Variants in LRRC8C observed in about 807,000 individuals in gnomAD.
LRRC8C encodes volume-regulated anion channel subunit LRRC8C.
LRRC8C carries 20 observed loss-of-function variants against 55.3 expected under a neutral mutation model. The ratio of observed to expected loss-of-function variants is 0.36; its 90% CI spans 0.25 to 0.53. The LOEUF is 0.53. Ranked by LOEUF, LRRC8C falls within the 20% of genes least tolerant of loss-of-function variation. The pLI, the probability that LRRC8C is intolerant of heterozygous loss-of-function variation, is 0.92. For missense variants in LRRC8C, 659 were observed against 951.4 expected (o/e 0.69, Z 4.04); for synonymous variants, 376 against 360.7 (o/e 1.04, Z -0.48).
chr1:89,676,614 G>T (rs987495815), intron 1 of LRRC8C, among the ~76,000 whole-genome samples: 1 of 152,118 alleles, frequency 6.6e-6, no homozygotes, highest in Non-Finnish European at 1.5e-5. Flanking sequence ...TGGATAAGTC[G>T]ATTTTAGTGT....
rs377667816 is a variant in LRRC8C, at chr1:89,639,710, C to T, written c.-5+6388C>T. Among the ~76,000 whole-genome samples, 28 of 152,340 alleles carry T rather than the reference C, an allele frequency of 1.8e-4. No homozygotes were observed. In the East Asian group the frequency reaches 4.6e-3, roughly 25 times the overall value. On this transcript the variant is annotated intron_variant, in intron 1 of 2. Coordinates refer to ENST00000370454, the MANE Select transcript of LRRC8C (RefSeq NM_032270.5). ...TGTTCACTGCCATATATCTACAGCACTTGCAAAGTGTCTGGGGCATAGCTG... is the reference window on the plus strand; with the variant it reads ...TGTTCACTGCCATATATCTACAGCATTTGCAAAGTGTCTGGGGCATAGCTG...
At chr1:89,639,797 A>G (rs2101178438) in intron 1 of LRRC8C, among the ~76,000 whole-genome samples, 1 of 152,310 alleles carries the variant, frequency 6.6e-6, no homozygotes, top group East Asian at 1.9e-4. Context: ...TTTCTTACCT[A>G]TTTGGAGTAT....
intron 1 of LRRC8C, among the ~76,000 whole-genome samples, chr1:89,649,346 A>C (rs1188313223): frequency 6.6e-6 from 1 of 152,192 alleles, no homozygotes; most frequent in Non-Finnish European, 1.5e-5. Context: ...AGCTCTTTAC[A>C]TTTTGGATTT....
chr1:89,617,312 T>C, the LRRC8C span, among the ~76,000 whole-genome samples: 1 of 152,236 alleles, frequency 6.6e-6, no homozygotes, highest in Non-Finnish European at 1.5e-5. Flanking sequence ...AGCAGGACCC[T>C]GTGAAATTAA....
chr1:89,706,430 T>C, intron 2 of LRRC8C: 2 of 439,440 alleles, frequency 4.6e-6, no homozygotes, highest in Non-Finnish European at 9.1e-6. Context: ...TTCCATACTT[T>C]TCTGGCAACT....
chr1:89,667,823 G>A (rs116670159), intron 1 of LRRC8C, among the ~76,000 whole-genome samples: 1,592 of 152,212 alleles, frequency 0.01, 44 homozygotes, highest in African/African-American at 0.037. Flanking sequence ...TTAGGTACCC[G>A]TGAGAATGTT....
At chr1:89,672,167 T>C (rs1238660341) in intron 1 of LRRC8C, among the ~76,000 whole-genome samples, 1 of 152,230 alleles carries the variant, frequency 6.6e-6, no homozygotes, top group Non-Finnish European at 1.5e-5. Flanking sequence ...TGAAATGTTC[T>C]CCTGGCCTTG....
chr1:89,716,652 T>A lies in LRRC8C; in HGVS notation c.*1670T>A, dbSNP rs1250728069. Reference sequence around the variant, plus strand: ...ACCAGAACCACTAATTATGAGAACTTTGTTTTATGTACCAAATTCACATTG... The same window carrying A: ...ACCAGAACCACTAATTATGAGAACTATGTTTTATGTACCAAATTCACATTG... On this transcript the variant is annotated 3_prime_UTR_variant, in exon 3 of 3. Coordinates refer to ENST00000370454, the MANE Select transcript of LRRC8C (RefSeq NM_032270.5). 6.6e-6 allele frequency: 1 copy of A among 152,216 alleles called. No individual in the cohort carries two copies. Among genetic ancestry groups the A allele is most frequent in the Non-Finnish European group, 1.5e-5 (1 of 68,030 alleles). 9.4% of individuals were successfully genotyped at this position (152,216 alleles called of 1,614,324 possible).
chr1:89,656,843 TAAAC>T (rs1406590325), intron 1 of LRRC8C, among the ~76,000 whole-genome samples: 2 of 152,306 alleles, frequency 1.3e-5, no homozygotes, highest in East Asian at 3.8e-4. Flanking sequence ...CAAAGTTTAT[TAAAC>T]AATACAAACA....
chr1:89,707,464 T>C (rs1383666686), intron 2 of LRRC8C, among the ~76,000 whole-genome samples: 3 of 152,064 alleles, frequency 2.0e-5, no homozygotes. Context: ...CCCAGTCTAA[T>C]GCCCCCAGCA....
At chr1:89,682,722 A>T (rs116254934) in intron 1 of LRRC8C, among the ~76,000 whole-genome samples, 16 of 152,350 alleles carry the variant, frequency 1.1e-4, no homozygotes, top group Non-Finnish European at 2.4e-4. Context: ...GTTCTTATTG[A>T]GGCAGTAAAA....
At chr1:89,687,617 G>C (rs1570725762) in intron 2 of LRRC8C, among the ~76,000 whole-genome samples, 1 of 152,172 alleles carries the variant, frequency 6.6e-6, no homozygotes, top group Non-Finnish European at 1.5e-5. Flanking sequence ...CTGAGAAGGG[G>C]CAGCCATAAG....
At chr1:89,639,049 G>A (rs897497816) in intron 1 of LRRC8C, among the ~76,000 whole-genome samples, 5 of 141,226 alleles carry the variant, frequency 3.5e-5, no homozygotes, top group Admixed American at 2.2e-4. Flanking sequence ...GCAGTGACGC[G>A]ATCTTGGCTC....
chr1:89,642,487 A>G (rs1003373761), intron 1 of LRRC8C, among the ~76,000 whole-genome samples: 3 of 151,782 alleles, frequency 2.0e-5, no homozygotes, highest in African/African-American at 7.3e-5. Context: ...GGCCTAGGTA[A>G]GCGGATCACC....
intron 1 of LRRC8C, among the ~76,000 whole-genome samples, chr1:89,658,147 G>A (rs1220759610): frequency 6.6e-6 from 1 of 152,102 alleles, no homozygotes; most frequent in Non-Finnish European, 1.5e-5. Context: ...ACTACTGTTT[G>A]GTTTAACTAG....
chr1:89,718,008 T>G lies in LRRC8C; in HGVS notation c.*3026T>G, dbSNP rs138120619. On this transcript the variant is annotated 3_prime_UTR_variant, in exon 3 of 3. Transcript: ENST00000370454. ...AACAATTGTTTGGTGATGGCCTGGT[T>G]GAAAGAGAGCATATAAATATATCCC... The G allele has an allele frequency of 7.2e-4, 109 of 152,300 alleles. No homozygotes were observed. The highest frequency in any genetic ancestry group is 2.4e-3 in the African/African-American group (99 of 41,572). 9.4% of individuals were successfully genotyped at this position (152,300 alleles called of 1,614,324 possible).
intron 2 of LRRC8C, among the ~76,000 whole-genome samples, chr1:89,696,405 A>G (rs1203273447): frequency 6.6e-6 from 1 of 152,116 alleles, no homozygotes; most frequent in African/African-American, 2.4e-5. Context: ...TTCTTTTTCT[A>G]CACCTTAATC....
chr1:89,690,802 G>T (rs1257706297), intron 2 of LRRC8C, among the ~76,000 whole-genome samples: 1 of 152,088 alleles, frequency 6.6e-6, no homozygotes, highest in African/African-American at 2.4e-5. Context: ...CCGCTGACCA[G>T]CCTTCTCAGC....
At chr1:89,622,757 C>T in the LRRC8C span, among the ~76,000 whole-genome samples, 1 of 152,144 alleles carries the variant, frequency 6.6e-6, no homozygotes, top group African/African-American at 2.4e-5. Flanking sequence ...TGCTTGTCAT[C>T]TTACAAATGT....
Sources: allele counts gnomAD v4.1 joint callset (sites outside exome capture counted in the v4.1 genomes callset), GRCh38; gene constraint gnomAD v4.1.1; transcripts MANE v1.5; gene names NCBI Gene and HGNC (gene_info 2026-07-23, HGNC 2026-07-21).